The following KAT2B variants were observed in gnomAD, a reference collection of about 807,000 sequenced individuals.
The protein encoded by KAT2B is histone acetyltransferase KAT2B.
KAT2B carries 36 observed loss-of-function variants against 105.9 expected under a neutral mutation model. That is an observed-to-expected ratio of 0.34 (90% CI 0.26 to 0.45). The LOEUF is 0.45. Among genes scored for constraint, KAT2B ranks in the 20% least tolerant of loss-of-function variants. KAT2B has a pLI of 1.00. For missense variants in KAT2B, 820 were observed against 1,021.6 expected (o/e 0.80, Z 2.69); for synonymous variants, 397 against 377.9 (o/e 1.05, Z -0.59).
At chr3:20,092,049 C>T (rs1252082356) in intron 2 of KAT2B, among the ~76,000 whole-genome samples, 2 of 152,072 alleles carry the variant, frequency 1.3e-5, no homozygotes, top group Non-Finnish European at 2.9e-5. Flanking sequence ...ATTCTACTCT[C>T]ATTGAATGGA....
chr3:20,118,028 A>G (rs1575143856), intron 7 of KAT2B, among the ~76,000 whole-genome samples: 1 of 151,862 alleles, frequency 6.6e-6, no homozygotes. Flanking sequence ...TTATAAACCA[A>G]TTGTTAACAT....
At chr3:20,137,128 A>C in intron 12 of KAT2B, 76 bp downstream of exon 12, 1 of 754,340 alleles carries the variant, frequency 1.3e-6, no homozygotes, top group Non-Finnish European at 2.3e-6. Flanking sequence ...CTTCCAAATA[A>C]GTTTCTCCCC....
intron 11 of KAT2B, among the ~76,000 whole-genome samples, chr3:20,129,046 G>C (rs67660889): frequency 0.15 from 22,865 of 148,692 alleles, 2,143 homozygotes; most frequent in Middle Eastern, 0.23. Context: ...TATTCATTTA[G>C]GATTTTCATG....
intron 5 of KAT2B, among the ~76,000 whole-genome samples, chr3:20,105,015 A>G (rs772002333): frequency 3.3e-5 from 5 of 151,750 alleles, no homozygotes; most frequent in Non-Finnish European, 7.4e-5. Context: ...CCTCCCAAGT[A>G]GCTAGGATTA....
intron 2 of KAT2B, among the ~76,000 whole-genome samples, chr3:20,078,618 A>G (rs554309789): frequency 1.3e-5 from 2 of 151,898 alleles, no homozygotes; most frequent in South Asian, 2.1e-4. Context: ...AGGTCAAGCG[A>G]TCTGCCCACC....
At chr3:20,050,019 G>A (rs1168545164) in intron 1 of KAT2B, among the ~76,000 whole-genome samples, 10 of 152,092 alleles carry the variant, frequency 6.6e-5, no homozygotes, top group Admixed American at 6.5e-4. Context: ...GGGCAACACG[G>A]TGAGACCCGG....
chr3:20,056,277 C>T (rs567722134), intron 1 of KAT2B, among the ~76,000 whole-genome samples: 23 of 152,042 alleles, frequency 1.5e-4, no homozygotes, highest in Non-Finnish European at 2.5e-4. Context: ...TAATTTGTTA[C>T]AAGGGAGGTG....
intron 2 of KAT2B, among the ~76,000 whole-genome samples, chr3:20,093,199 A>T (rs1483761960): frequency 6.6e-6 from 1 of 152,184 alleles, no homozygotes; most frequent in Non-Finnish European, 1.5e-5. Context: ...AGAGTAGGAG[A>T]GTTAAAAGTG....
chr3:20,143,058 A>T (rs111932878), intron 13 of KAT2B, among the ~76,000 whole-genome samples: 5 of 152,286 alleles, frequency 3.3e-5, no homozygotes, highest in African/African-American at 1.2e-4. Context: ...TTTTTTTATA[A>T]GGAGACATGC....
chr3:20,125,870 C>G lies in KAT2B; in HGVS notation c.1414-35C>G, dbSNP rs755350046. Reference sequence around the variant, plus strand: ...CATCCCCACTGTCTTGAGAGAATAGCTCTGTGTAATTTTTTCCTGTCTCTT... The same window carrying G: ...CATCCCCACTGTCTTGAGAGAATAGGTCTGTGTAATTTTTTCCTGTCTCTT... On this transcript the variant is annotated intron_variant, in intron 9 of 17. Coordinates refer to ENST00000263754, the MANE Select transcript of KAT2B (RefSeq NM_003884.5). 1.9e-6 allele frequency: 3 copies of G among 1,538,686 alleles called. No individual in the cohort carries two copies. The South Asian group carries it at 3.4e-5, about 17-fold the overall frequency.
At chr3:20,110,732 CT>C (rs1367743478) in intron 5 of KAT2B, among the ~76,000 whole-genome samples, 4 of 149,738 alleles carry the variant, frequency 2.7e-5, no homozygotes, top group Non-Finnish European at 5.9e-5. Flanking sequence ...TTTGAATAGA[CT>C]TTTACTCTCC....
chr3:20,058,698 C>G (rs986295457), intron 1 of KAT2B, among the ~76,000 whole-genome samples: 1 of 152,094 alleles, frequency 6.6e-6, no homozygotes, highest in Non-Finnish European at 1.5e-5. Flanking sequence ...TGCTGGCCTT[C>G]CATGTACAAC....
chr3:20,051,962 G>A (rs1377165973), intron 1 of KAT2B, among the ~76,000 whole-genome samples: 1 of 152,180 alleles, frequency 6.6e-6, no homozygotes, highest in Non-Finnish European at 1.5e-5. Context: ...TTTCTGCTCA[G>A]GTACCTCCTG....
chr3:20,064,722 C>T (rs1049669552), intron 1 of KAT2B, among the ~76,000 whole-genome samples: 1 of 152,152 alleles, frequency 6.6e-6, no homozygotes, highest in Non-Finnish European at 1.5e-5. Flanking sequence ...TTACTTACAT[C>T]GAGTGAGATA....
intron 15 of KAT2B, 46 bp from the exon 16 acceptor site, chr3:20,148,197 G>A (rs776398143): frequency 1.3e-6 from 2 of 1,528,760 alleles, no homozygotes; most frequent in South Asian, 1.1e-5. Flanking sequence ...CTGGCAATAG[G>A]GTAAAACTCT....
At chr3:20,050,060 C>T (rs924789774) in intron 1 of KAT2B, among the ~76,000 whole-genome samples, 5 of 151,888 alleles carry the variant, frequency 3.3e-5, no homozygotes, top group African/African-American at 1.2e-4. Flanking sequence ...ATTAGCAGGG[C>T]GTGGTGGCTT....
In KAT2B at chr3:20,153,409, GT is replaced by G. The variant is rs1699900805; in HGVS notation, c.*886del. Reference sequence around the variant, plus strand: ...ATATGTATCAATCTGGTGAATCCTCGTTCTAATAAAGGTTCTTTTTCTTTTC... The same window carrying G: ...ATATGTATCAATCTGGTGAATCCTCGTCTAATAAAGGTTCTTTTTCTTTTC... On this transcript the variant is annotated 3_prime_UTR_variant, in exon 18 of 18. Coordinates refer to ENST00000263754, the MANE Select transcript of KAT2B (RefSeq NM_003884.5). 6.6e-6 allele frequency: 1 copy of G among 152,304 alleles called. No homozygotes were observed. Among genetic ancestry groups the G allele is most frequent in the African/African-American group, 2.4e-5 (1 of 41,430 alleles). The allele number at this position is 152,304 out of a possible 1,614,324, so 9.4% of individuals were successfully genotyped here.
intron 5 of KAT2B, among the ~76,000 whole-genome samples, chr3:20,105,800 G>GAAAAAA (rs35102951): frequency 1.1e-5 from 1 of 94,434 alleles, no homozygotes; most frequent in African/African-American, 4.2e-5. Context: ...GACCCTGTCT[G>GAAAAAA]AAAAAAAAAA....
At chr3:20,112,362 T>C (rs1699137078) in intron 6 of KAT2B, among the ~76,000 whole-genome samples, 1 of 152,310 alleles carries the variant, frequency 6.6e-6, no homozygotes, top group South Asian at 2.1e-4. Flanking sequence ...ACTTTGGTGC[T>C]CCTTGCTTCT....
Sources: allele counts gnomAD v4.1 joint callset (sites outside exome capture counted in the v4.1 genomes callset), GRCh38; gene constraint gnomAD v4.1.1; transcripts MANE v1.5; gene names NCBI Gene and HGNC (gene_info 2026-07-23, HGNC 2026-07-21).